The following THRB variants were observed in gnomAD, a reference collection of about 807,000 sequenced individuals.
THRB encodes thyroid hormone receptor beta, also known as nuclear receptor subfamily 1 group A member 2.
Under a neutral mutation model 47.8 loss-of-function variants are expected in THRB, and 12 were observed. The ratio of observed to expected loss-of-function variants is 0.25; its 90% CI spans 0.16 to 0.41. THRB has a LOEUF of 0.41. Ranked by LOEUF, THRB falls within the 10% of genes least tolerant of loss-of-function variation. The probability of loss-of-function intolerance (pLI) is 1.00; values close to 1 mark genes in which losing one functional copy is unlikely to be tolerated. For missense variants in THRB, 348 were observed against 589.2 expected (o/e 0.59, Z 4.24); for synonymous variants, 218 against 212.2 (o/e 1.03, Z -0.24).
chr3:24,356,435 C>G (rs2149590495), intron 1 of THRB, among the ~76,000 whole-genome samples: 1 of 152,278 alleles, frequency 6.6e-6, no homozygotes, highest in Middle Eastern at 3.4e-3. Context: ...TACATGCTCA[C>G]AGCCAAATAG....
Position 24,122,417 on chromosome 3 carries a change from G to A in THRB, c.*467C>T, listed in dbSNP as rs989517199. On this transcript the variant is annotated 3_prime_UTR_variant, in exon 11 of 11. Coordinates refer to ENST00000646209, the MANE Select transcript of THRB (RefSeq NM_001354712.2). ...CTCTTGAATAGATGAAAATTTGTTC[G>A]AGTCTTTCCCTAAAAGGCTGAAAGC... 4 of 214,476 alleles carry A rather than the reference G, an allele frequency of 1.9e-5. No individual in the cohort carries two copies. Among genetic ancestry groups the A allele is most frequent in the African/African-American group, 6.9e-5 (3 of 43,656 alleles). 13.3% of individuals were successfully genotyped at this position (214,476 alleles called of 1,614,324 possible).
chr3:24,278,650 T>C (rs2054193177), intron 3 of THRB, among the ~76,000 whole-genome samples: 2 of 152,198 alleles, frequency 1.3e-5, no homozygotes, highest in African/African-American at 4.8e-5. Flanking sequence ...AAAAAATTAC[T>C]CATCACATGG....
chr3:24,208,030 C>G (rs1444891025), intron 4 of THRB, among the ~76,000 whole-genome samples: 1 of 152,164 alleles, frequency 6.6e-6, no homozygotes, highest in Non-Finnish European at 1.5e-5. Flanking sequence ...GCAAAAATCA[C>G]AAGCATTCCT....
At chr3:24,471,730 A>G (rs1694738326) in intron 1 of THRB, among the ~76,000 whole-genome samples, 1 of 152,210 alleles carries the variant, frequency 6.6e-6, no homozygotes, top group African/African-American at 2.4e-5. Flanking sequence ...GCTAATCCAC[A>G]AAAACATCTC....
chr3:24,350,077 C>T (rs1191459582), intron 1 of THRB, among the ~76,000 whole-genome samples: 2 of 152,010 alleles, frequency 1.3e-5, no homozygotes, highest in African/African-American at 4.8e-5. Context: ...TGGATATTCT[C>T]ACACAAGAAG....
At chr3:24,478,738 G>A (rs1026215564) in intron 1 of THRB, among the ~76,000 whole-genome samples, 6 of 152,148 alleles carry the variant, frequency 3.9e-5, no homozygotes, top group African/African-American at 9.6e-5. Flanking sequence ...CCAATTTTCC[G>A]GATTTGGAAA....
intron 5 of THRB, among the ~76,000 whole-genome samples, chr3:24,153,783 T>C (rs1419644530): frequency 6.6e-6 from 1 of 151,982 alleles, no homozygotes; most frequent in African/African-American, 2.4e-5. Context: ...TGAGGCAGGA[T>C]TGGTTGGGAT....
chr3:24,299,791 T>TTTTTTTTTTTTTTTTG (rs2056796751), intron 2 of THRB, among the ~76,000 whole-genome samples: 1 of 120,112 alleles, frequency 8.3e-6, no homozygotes, highest in Non-Finnish European at 1.7e-5. Context: ...ATTTATTTAT[T>TTTTTTTTTTTTTTTTG]TTTTTTTTTT....
chr3:24,236,562 G>A (rs1576195529), intron 3 of THRB, among the ~76,000 whole-genome samples: 2 of 152,080 alleles, frequency 1.3e-5, no homozygotes, highest in African/African-American at 4.8e-5. Flanking sequence ...AAGCTTACCT[G>A]AGGTCATTTA....
intron 2 of THRB, among the ~76,000 whole-genome samples, chr3:24,304,212 C>A (rs1414356881): frequency 6.6e-6 from 1 of 151,996 alleles, no homozygotes; most frequent in African/African-American, 2.4e-5. Flanking sequence ...GATTTGTACA[C>A]AGAACTCACA....
At chr3:24,312,538 C>T (rs1378551547) in intron 2 of THRB, among the ~76,000 whole-genome samples, 4 of 152,320 alleles carry the variant, frequency 2.6e-5, no homozygotes, top group Non-Finnish European at 4.4e-5. Flanking sequence ...CCTACGTATA[C>T]GCCCACATTT....
intron 1 of THRB, among the ~76,000 whole-genome samples, chr3:24,339,608 G>A (rs987413127): frequency 2.0e-5 from 3 of 151,924 alleles, no homozygotes; most frequent in Admixed American, 6.6e-5. Flanking sequence ...ACAAACATGC[G>A]GCATCTTTTT....
chr3:24,367,452 T>G (rs2064557243), intron 1 of THRB, among the ~76,000 whole-genome samples: 1 of 152,174 alleles, frequency 6.6e-6, no homozygotes. Flanking sequence ...GCTTATTTCC[T>G]CAATGGATAC....
chr3:24,233,546 A>AAAAAGG (rs1559682926), intron 3 of THRB, among the ~76,000 whole-genome samples: 6 of 82,436 alleles, frequency 7.3e-5, no homozygotes, highest in South Asian at 4.7e-4. Context: ...AAAGAAAGAG[A>AAAAAGG]AAGAAAGAAA....
At chr3:24,174,175 T>C (rs1205604349) in intron 5 of THRB, among the ~76,000 whole-genome samples, 3 of 152,158 alleles carry the variant, frequency 2.0e-5, no homozygotes, top group African/African-American at 7.2e-5. Flanking sequence ...TGTCCTAATG[T>C]AGCCACATTT....
intron 4 of THRB, among the ~76,000 whole-genome samples, chr3:24,228,560 G>A (rs1356602266): frequency 1.3e-5 from 2 of 151,208 alleles, no homozygotes; most frequent in East Asian, 1.9e-4. Context: ...TGAGCCCTGG[G>A]AGGTTGGGGC....
intron 8 of THRB, among the ~76,000 whole-genome samples, chr3:24,137,502 G>A (rs2034831055): frequency 1.3e-5 from 2 of 152,296 alleles, no homozygotes; most frequent in Non-Finnish European, 2.9e-5. Flanking sequence ...GCAATGTGTG[G>A]ACTTTGACTT....
chr3:24,432,108 G>A (rs2070485680), intron 1 of THRB, among the ~76,000 whole-genome samples: 2 of 152,148 alleles, frequency 1.3e-5, no homozygotes, highest in East Asian at 1.9e-4. Flanking sequence ...CCTAAAATGA[G>A]TGTTGGCTTC....
At chr3:24,265,742 G>A (rs982754952) in intron 3 of THRB, among the ~76,000 whole-genome samples, 4 of 152,060 alleles carry the variant, frequency 2.6e-5, no homozygotes, top group Admixed American at 6.6e-5. Flanking sequence ...ATGTCCAATC[G>A]TAGATTATTT....
Sources: gnomAD v4.1 joint callset for allele counts (sites outside exome capture counted in the v4.1 genomes callset) on GRCh38, gnomAD v4.1.1 for gene constraint, MANE v1.5 for transcripts, NCBI Gene and HGNC (gene_info 2026-07-23, HGNC 2026-07-21) for gene names.